The following PDE10A variants were observed in gnomAD, a reference collection of about 807,000 sequenced individuals.
The protein encoded by PDE10A is phosphodiesterase 10A.
A neutral mutation model predicts 97.7 loss-of-function variants in PDE10A; 39 were observed. That is an observed-to-expected ratio of 0.40 (90% CI 0.31 to 0.52). The LOEUF (loss-of-function observed/expected upper bound fraction) is 0.52. Ranked by LOEUF, PDE10A falls within the 20% of genes least tolerant of loss-of-function variation. PDE10A has a pLI of 0.56. For synonymous variants in PDE10A, 371 were observed against 376.8 expected, an observed-to-expected ratio of 0.98 and a Z score of 0.18; for missense variants, 731 against 1,047.8, an observed-to-expected ratio of 0.70 and a Z score of 4.17.
intron 2 of PDE10A, among the ~76,000 whole-genome samples, chr6:165,523,000 C>G (rs1782221275): frequency 6.6e-6 from 1 of 151,434 alleles, no homozygotes; most frequent in South Asian, 2.1e-4. Context: ...AGCGCCAAAT[C>G]AAGAATGCAA....
intron 1 of PDE10A, among the ~76,000 whole-genome samples, chr6:165,790,215 C>T (rs1367443982): frequency 6.6e-6 from 1 of 152,122 alleles, no homozygotes; most frequent in Non-Finnish European, 1.5e-5. Flanking sequence ...AGGAAGGCAT[C>T]GTATTCATCC....
intron 2 of PDE10A, among the ~76,000 whole-genome samples, chr6:165,506,334 T>C (rs888876988): frequency 2.0e-5 from 3 of 152,206 alleles, no homozygotes; most frequent in African/African-American, 7.2e-5. Context: ...TTCAGTATTC[T>C]ATCTCTGTAA....
intron 1 of PDE10A, among the ~76,000 whole-genome samples, chr6:165,595,127 G>C (rs1168128627): frequency 1.3e-5 from 2 of 152,202 alleles, no homozygotes; most frequent in Non-Finnish European, 2.9e-5. Context: ...TTAAGGCCCA[G>C]GTCCAGCCAT....
chr6:165,815,580 A>T (rs1009852543), intron 1 of PDE10A, among the ~76,000 whole-genome samples: 1 of 152,186 alleles, frequency 6.6e-6, no homozygotes, highest in African/African-American at 2.4e-5. Flanking sequence ...GCAGAACTGC[A>T]TGGGGTCGGC....
In PDE10A at chr6:165,819,320, C is replaced by A. The variant is rs774948406; in HGVS notation, c.-615+168209G>T. On this transcript the variant is annotated intron_variant, in intron 1 of 19. Transcript: ENST00000366882. This position sits in a 1 kb window ranked among gnomAD's most constrained non-coding sequence, Gnocchi z 4.2. ...CATGACTTCTACCTCTTAAGTATTT[C>A]TCCTTTCTTTAAAATCCCCACTTCC... Among the ~76,000 whole-genome samples the A allele has an allele frequency of 2.6e-5, 4 of 152,200 alleles. No individual in the cohort carries two copies. The highest frequency in any genetic ancestry group is 5.9e-5 in the Non-Finnish European group (4 of 68,042).
In PDE10A at chr6:165,395,251, T is replaced by C. The variant is rs1030818745; in HGVS notation, c.2233A>G (p.Ile745Val). ...CKEIELFHFD[I>V]GPFENMWPGI... ...GGCCACATGTTTTCAAAAGGACCAA[T>C]GTCAAAGTGGAATCTGAAATTTTAA... Residue 745 changes from isoleucine (I) to valine (V), a missense_variant, in exon 15 of 22, where the codon ATT (isoleucine) becomes GTT (valine). Physicochemically the swap from Ile to Val is conservative, Grantham distance 29. Transcript: ENST00000539869. 6.2e-7 allele frequency: 1 copy of C among 1,612,522 alleles called. No homozygotes were observed. Among genetic ancestry groups the C allele is most frequent in the East Asian group, 2.2e-5 (1 of 44,848 alleles).
Position 165,771,229 on chromosome 6 carries a change from A to G in PDE10A, c.-615+216300T>C, listed in dbSNP as rs374930439. Among the ~76,000 whole-genome samples, 32 of 152,378 alleles carry G rather than the reference A, an allele frequency of 2.1e-4. No homozygotes were observed. In the East Asian group the frequency reaches 4.0e-3, roughly 19 times the overall value. ...TATGGAATTATATAGTTTTTTAAAA[A>G]GTGAAATCTGGACTGACTTCATTTT... On this transcript the variant is annotated intron_variant, in intron 1 of 19. Coordinates refer to the PDE10A transcript ENST00000366882.
intron 3 of PDE10A, among the ~76,000 whole-genome samples, chr6:165,452,753 G>A (rs1777705611): frequency 6.6e-6 from 1 of 152,118 alleles, no homozygotes; most frequent in African/African-American, 2.4e-5. Flanking sequence ...CCAGGAAGTG[G>A]GGCTGTGGCA....
At position 165,925,857 on chromosome 6, in the gene PDE10A, C is replaced by T. The variant is rs1583293041; in HGVS notation, c.-615+61672G>A. Among the ~76,000 whole-genome samples the T allele has an allele frequency of 2.0e-5, 3 of 152,258 alleles. No individual in the cohort carries two copies. The South Asian group carries it at 6.2e-4, about 32-fold the overall frequency. On this transcript the variant is annotated intron_variant, in intron 1 of 19. Coordinates refer to the PDE10A transcript ENST00000366882. ...TGATAAGACCACATAGAACTAAATA[C>T]ACACAAATGAGTGCAAGAAACATTT...
In PDE10A at chr6:165,722,791, C is replaced by T. The variant is rs139675132; in HGVS notation, c.-614-179223G>A. The stretch of plus-strand genomic sequence containing the variant: ...CCTGCTACTGAGCCTGCGAAAACAT[C>T]GGAGTGAACATTTTACCTTTTCAGG... On this transcript the variant is annotated intron_variant, in intron 1 of 19. Coordinates refer to the PDE10A transcript ENST00000366882. Among the ~76,000 whole-genome samples, 195 of 152,044 alleles carry T rather than the reference C, an allele frequency of 1.3e-3. 1 individual carries two copies. Among genetic ancestry groups the T allele is most frequent in the African/African-American group, 4.2e-3 (176 of 41,458 alleles).
intron 1 of PDE10A, among the ~76,000 whole-genome samples, chr6:165,974,046 A>G (rs1354865539): frequency 6.6e-6 from 1 of 152,230 alleles, no homozygotes; most frequent in Non-Finnish European, 1.5e-5. Context: ...AAATAATGCT[A>G]AACATATCAA....
rs145866917 is a variant in PDE10A at position 165,727,227 on chromosome 6, G to A, written c.-614-183659C>T. ...TGACTCAGGACGGAGGCGACTCCTT[G>A]AGAAGCCACACCGTTTTCCTCCTTA... On this transcript the variant is annotated intron_variant, in intron 1 of 19. Transcript: ENST00000366882. Among the ~76,000 whole-genome samples, 938 of 152,332 alleles carry A rather than the reference G, an allele frequency of 6.2e-3. 9 individuals carry two copies. Among genetic ancestry groups the A allele is most frequent in the African/African-American group, 0.022 (898 of 41,572 alleles).
In PDE10A at chr6:165,428,707, G is replaced by A; in HGVS notation, c.1604C>T (p.Thr535Ile). The A allele has an allele frequency of 2.5e-6, 3 of 1,223,866 alleles. No homozygotes were observed. Among genetic ancestry groups the A allele is most frequent in the Non-Finnish European group, 3.6e-6 (3 of 843,122 alleles). The allele number at this position is 1,223,866 out of a possible 1,614,324, so 75.8% of individuals were successfully genotyped here. A position where few individuals can be genotyped will look rare whatever the true frequency, so the allele number is the denominator to read the frequency against. ...TATTGCAACTATGTTATCAAAATAT[G>A]TTCTGAAAAAAAGAAACATAAATCC... ...LNDFLLDVSK[T>I]YFDNIVAIDS... The change falls in exon 10 of 22, where the codon ACA (threonine) becomes ATA (isoleucine). Residue 535 changes from threonine to isoleucine, a missense_variant and splice_region_variant. Thr to Ile is a moderately conservative substitution (Grantham distance 89). This residue lies in a region of PDE10A where 108 missense variants were observed against 199.8 expected (regional missense o/e 0.54). Coordinates refer to ENST00000539869, the MANE Select transcript of PDE10A (RefSeq NM_001385079.1).
chr6:165,646,781 G>A (rs958709598), intron 1 of PDE10A, among the ~76,000 whole-genome samples: 4 of 147,996 alleles, frequency 2.7e-5, no homozygotes, highest in Non-Finnish European at 6.1e-5. Flanking sequence ...CTGCCTGGAA[G>A]GTCTTTGAAT....
intron 1 of PDE10A, among the ~76,000 whole-genome samples, chr6:165,654,258 C>T (rs1271265988): frequency 6.6e-6 from 1 of 152,172 alleles, no homozygotes; most frequent in Non-Finnish European, 1.5e-5. Flanking sequence ...TCACTCCCGT[C>T]ATCCTCCTCA....
At chr6:165,702,068 T>TACACTATAATTAGATTTTCC (rs1363616327) in intron 1 of PDE10A, among the ~76,000 whole-genome samples, 7 of 152,110 alleles carry the variant, frequency 4.6e-5, no homozygotes, top group Non-Finnish European at 1.0e-4. Context: ...TCAGCTATGT[T>TACACTATAATTAGATTTTCC]ACACTATAAT....
chr6:165,525,460 G>A (rs1260440398), intron 2 of PDE10A, among the ~76,000 whole-genome samples: 7 of 152,160 alleles, frequency 4.6e-5, no homozygotes, highest in South Asian at 2.1e-4. Context: ...TTGGGTTAAC[G>A]TAGAGGAAGG....
At chr6:165,933,724 T>A (rs1716912905) in intron 1 of PDE10A, among the ~76,000 whole-genome samples, 1 of 152,148 alleles carries the variant, frequency 6.6e-6, no homozygotes, top group Admixed American at 6.5e-5. Flanking sequence ...GGTACAGGAT[T>A]TTTAGGCTAG....
chr6:165,844,802 G>A (rs578209829), intron 1 of PDE10A, among the ~76,000 whole-genome samples: 3 of 152,174 alleles, frequency 2.0e-5, no homozygotes, highest in African/African-American at 7.2e-5. Flanking sequence ...TTGGGTAGAG[G>A]AAGAAGTCCT....
Sources: gnomAD v4.1 joint callset for allele counts (sites outside exome capture counted in the v4.1 genomes callset) on GRCh38, gnomAD v4.1.1 for gene constraint, gnomAD v4.1.1 regional missense constraint, Gnocchi (gnomAD v3.1) non-coding constraint, MANE v1.5 for transcripts, NCBI Gene and HGNC (gene_info 2026-07-23, HGNC 2026-07-21) for gene names.